The following RAB33A variants were observed in gnomAD, a reference collection of about 807,000 sequenced individuals.
The protein encoded by RAB33A is ras-related protein Rab-33A.
In RAB33A, 6 loss-of-function variants were observed where a neutral mutation model predicts 12.0. The observed-to-expected ratio is 0.50, with a 90% CI of 0.27 to 0.99. RAB33A has a LOEUF of 0.99. Among genes scored for constraint, RAB33A ranks in the 50% least tolerant of loss-of-function variants. The pLI, the probability that RAB33A is intolerant of heterozygous loss-of-function variation, is 0.11. For synonymous variants in RAB33A, 70 were observed against 82.4 expected (o/e 0.85, Z 0.81); for missense variants, 109 against 192.0 (o/e 0.57, Z 2.55).
chrX:130,129,695 T>C, the RAB33A span: 9 of 960,831 alleles, frequency 9.4e-6, no homozygotes, highest in Non-Finnish European at 1.3e-5. Flanking sequence ...GCCCACACAA[T>C]GGGGCTACCT....
the RAB33A span, chrX:130,145,645 T>G: frequency 1.5e-5 from 12 of 818,313 alleles, no homozygotes; most frequent in African/African-American, 2.4e-4. Flanking sequence ...TTAATAAAAC[T>G]GTTTCCATTA....
At chrX:130,152,183 A>G in the RAB33A span, among the ~76,000 whole-genome samples, 3 of 112,154 alleles carry the variant, frequency 2.7e-5, no homozygotes, top group East Asian at 8.3e-4. Context: ...TCTGGTCAAC[A>G]TGAATGAAAA....
the RAB33A span, chrX:130,139,979 G>A: frequency 2.9e-5 from 19 of 659,366 alleles, no homozygotes; most frequent in Non-Finnish European, 4.2e-5. Context: ...GCACCATGGC[G>A]GCAACAACAG....
chrX:130,142,732 G>A, the RAB33A span, among the ~76,000 whole-genome samples: 7 of 111,363 alleles, frequency 6.3e-5, no homozygotes, highest in African/African-American at 2.0e-4. Flanking sequence ...TGCAACCTCC[G>A]CCTCCTGGGT....
chrX:130,166,698 G>A, the RAB33A span, among the ~76,000 whole-genome samples: 7 of 112,148 alleles, frequency 6.2e-5, no homozygotes, highest in African/African-American at 1.9e-4. Context: ...TACTATAAAA[G>A]GGGCTCTGTT....
At chrX:130,131,058 A>T in the RAB33A span, among the ~76,000 whole-genome samples, 4 of 112,597 alleles carry the variant, frequency 3.6e-5, no homozygotes, top group South Asian at 1.5e-3. Flanking sequence ...CAGAAGTTAA[A>T]TAACTTGAGC....
At chrX:130,135,038 C>T in the RAB33A span, among the ~76,000 whole-genome samples, 2 of 109,854 alleles carry the variant, frequency 1.8e-5, no homozygotes, top group Non-Finnish European at 1.9e-5. Context: ...TGACTTTCCT[C>T]TCCTCTCTCC....
chrX:130,184,624 T>G lies in RAB33A; in HGVS notation c.598T>G (p.Cys200Gly). ...NVESIFMCLA[C>G]RLKAQKSLLY... ...GGAGTCGATTTTCATGTGCTTGGCT[T>G]GCCGATTGAAGGCCCAGAAATCCCT... The change falls in exon 2 of 2, where the codon TGC becomes GGC. Residue 200 changes from cysteine to glycine, a missense_variant. Cys to Gly is a radical substitution (Grantham distance 159, BLOSUM62 -3). Transcript: ENST00000257017. The G allele has an allele frequency of 8.3e-7, 1 of 1,211,822 alleles. No individual in the cohort carries two copies. Among genetic ancestry groups the G allele is most frequent in the Non-Finnish European group, 1.1e-6 (1 of 895,551 alleles).
rs182722735 is a variant in RAB33A at position 130,172,831 on chromosome X, C to T, written c.258+511C>T. ...GAAAAAGCTGCTTTATTTTAAATTG[C>T]AGTTTATAGTTAAAAAATTAGGGCT... On this transcript the variant is annotated intron_variant, in intron 1 of 1. Transcript: ENST00000257017. Among the ~76,000 whole-genome samples, 296 of 112,374 alleles carry T rather than the reference C, an allele frequency of 2.6e-3. 1 individual carries two copies. The highest frequency in any genetic ancestry group is 9.2e-3 in the Middle Eastern group (2 of 217).
chrX:130,111,361 C>A, the RAB33A span, among the ~76,000 whole-genome samples: 2,355 of 112,866 alleles, frequency 0.021, 35 homozygotes, highest in African/African-American at 0.055. Context: ...CCCCTCGGCC[C>A]GTGCAAGTGG....
At chrX:130,117,966 C>T in the RAB33A span, among the ~76,000 whole-genome samples, 11 of 112,113 alleles carry the variant, frequency 9.8e-5, no homozygotes, top group East Asian at 2.8e-4. Context: ...GAGGTTTTGC[C>T]GGAGTGAGCA....
chrX:130,174,042 A>G (rs901234509), intron 1 of RAB33A, among the ~76,000 whole-genome samples: 1 of 112,210 alleles, frequency 8.9e-6, no homozygotes, highest in Non-Finnish European at 1.9e-5. Flanking sequence ...GAAGCTAGAA[A>G]GTGAGGGATG....
At chrX:130,138,506 C>T in the RAB33A span, 1 of 679,627 alleles carries the variant, frequency 1.5e-6, no homozygotes, top group East Asian at 3.2e-5. Flanking sequence ...ACTCTTCCTA[C>T]TGATCCTGCC....
At chrX:130,129,653 G>A in the RAB33A span, 2 of 1,180,539 alleles carry the variant, frequency 1.7e-6, no homozygotes, top group Admixed American at 2.2e-5. Context: ...GTAACAATAG[G>A]TCCCTAACTT....
the RAB33A span, among the ~76,000 whole-genome samples, chrX:130,120,301 T>C: frequency 5.4e-5 from 6 of 111,128 alleles, no homozygotes; most frequent in East Asian, 1.4e-3. Context: ...CACCTAACTG[T>C]CCCTCTAGAT....
chrX:130,131,832 G>C, the RAB33A span: 3 of 1,207,058 alleles, frequency 2.5e-6, no homozygotes, highest in Non-Finnish European at 3.4e-6. Context: ...TCTGTCAAGG[G>C]ACTGTAAGGA....
chrX:130,123,700 C>CAA, the RAB33A span, among the ~76,000 whole-genome samples: 9 of 39,856 alleles, frequency 2.3e-4, 1 homozygote, highest in East Asian at 1.0e-3. Context: ...GACTCTGTCT[C>CAA]AAAAAAAAAA....
the RAB33A span, among the ~76,000 whole-genome samples, chrX:130,120,053 G>A: frequency 9.0e-6 from 1 of 111,119 alleles, no homozygotes; most frequent in Non-Finnish European, 1.9e-5. Flanking sequence ...TTCTCAATAT[G>A]TTAACTAAAC....
chrX:130,170,702 A>C (rs915439954), upstream of RAB33A, among the ~76,000 whole-genome samples: 1 of 112,449 alleles, frequency 8.9e-6, no homozygotes, highest in African/African-American at 3.2e-5. Context: ...GCTTCTGGCA[A>C]ATTAGACCCA....
Sources: gnomAD v4.1 joint callset for allele counts (sites outside exome capture counted in the v4.1 genomes callset) on GRCh38, gnomAD v4.1.1 for gene constraint, MANE v1.5 for transcripts, NCBI Gene and HGNC (gene_info 2026-07-23, HGNC 2026-07-21) for gene names.